Variants in MYH10 observed in about 807,000 individuals in gnomAD.
The protein encoded by MYH10 is myosin-10.
MYH10 carries 55 observed loss-of-function variants against 257.8 expected under a neutral mutation model. The ratio of observed to expected loss-of-function variants is 0.21; its 90% CI spans 0.17 to 0.27. The LOEUF (loss-of-function observed/expected upper bound fraction) is 0.27, where lower values mean the gene tolerates loss of function less well. MYH10 is among the 10% of genes least tolerant of loss of function. MYH10 has a pLI of 1.00. For synonymous variants in MYH10, 854 were observed against 921.7 expected (o/e 0.93, Z 1.33); for missense variants, 1,631 against 2,500.6 (o/e 0.65, Z 7.42).
Position 8,511,393 on chromosome 17 carries a change from G to A in MYH10, c.2952+1058C>T, listed in dbSNP as rs148729298. Among the ~76,000 whole-genome samples, 933 of 152,088 alleles carry A rather than the reference G, an allele frequency of 6.1e-3. 16 individuals are homozygous for A. The highest frequency in any genetic ancestry group is 0.02 in the African/African-American group (832 of 41,490). On this transcript the variant is annotated intron_variant, in intron 24 of 42. Coordinates refer to ENST00000360416, the MANE Select transcript of MYH10 (RefSeq NM_001256012.3). ...AAATTAGCTGGGCGTGGTAGCAGGC[G>A]CCTGTAATCCCAGCTACTGGGGAGG...
In MYH10 at chr17:8,500,806, C is replaced by T. The variant is rs1284091212; in HGVS notation, c.3744+20G>A. The T allele has an allele frequency of 2.5e-6, 4 of 1,608,444 alleles. No individual in the cohort carries two copies. The highest frequency in any genetic ancestry group is 1.1e-5 in the South Asian group (1 of 90,394). ...GACAGACTTTCTCCAGGCCACAGCA[C>T]ACGGCAGGGCCTCCCTTACCCGCTT... On this transcript the variant is annotated intron_variant, in intron 29 of 42. Coordinates refer to ENST00000360416, the MANE Select transcript of MYH10 (RefSeq NM_001256012.3).
In MYH10 at chr17:8,492,968, T is replaced by C. The variant is rs1385288208; in HGVS notation, c.4266A>G (p.Glu1422=). 6.2e-7 allele frequency: 1 copy of C among 1,614,172 alleles called. No individual in the cohort carries two copies. The highest frequency in any genetic ancestry group is 1.7e-5 in the Admixed American group (1 of 60,024). The part of the protein sequence containing the change: ...DDDLGTIESL[E]EAKKKLLKDA... ...CCTTCAGAAGCTTCTTCTTGGCTTCTTCCAGACTTTCAATTGTTCCCAGGT... is the reference window on the plus strand; with the variant it reads ...CCTTCAGAAGCTTCTTCTTGGCTTCCTCCAGACTTTCAATTGTTCCCAGGT... Residue 1422 remains glutamate (E), a synonymous_variant, in exon 33 of 43, where the codon GAA becomes GAG. Coordinates refer to ENST00000360416, the MANE Select transcript of MYH10 (RefSeq NM_001256012.3).
At chr17:8,502,703 C>T (rs1292981835) in intron 28 of MYH10, among the ~76,000 whole-genome samples, 1 of 152,138 alleles carries the variant, frequency 6.6e-6, no homozygotes, top group Non-Finnish European at 1.5e-5. Flanking sequence ...TTTGTGTTCT[C>T]TAAGGGTCCT....
At chr17:8,486,011 C>T (rs1014957391) in intron 36 of MYH10, among the ~76,000 whole-genome samples, 1 of 152,202 alleles carries the variant, frequency 6.6e-6, no homozygotes, top group Non-Finnish European at 1.5e-5. Flanking sequence ...GAGTGCGGTA[C>T]TTGTTCATGT....
At chr17:8,546,963 C>T (rs2082464727) in intron 11 of MYH10, among the ~76,000 whole-genome samples, 1 of 152,116 alleles carries the variant, frequency 6.6e-6, no homozygotes. Flanking sequence ...AGTGGCTATT[C>T]ACAGGCATGA....
At chr17:8,543,751 C>T (rs976217343) in intron 13 of MYH10, among the ~76,000 whole-genome samples, 1 of 152,136 alleles carries the variant, frequency 6.6e-6, no homozygotes, top group African/African-American at 2.4e-5. Flanking sequence ...GGATTACAGG[C>T]GTGAGCCACC....
chr17:8,610,584 A>C (rs1376301217), intron 2 of MYH10, among the ~76,000 whole-genome samples: 1 of 152,204 alleles, frequency 6.6e-6, no homozygotes, highest in African/African-American at 2.4e-5. Flanking sequence ...GGTGAGGCCT[A>C]TTGAGAGGTG....
At chr17:8,502,191 C>G (rs2080916171) in intron 28 of MYH10, among the ~76,000 whole-genome samples, 1 of 152,206 alleles carries the variant, frequency 6.6e-6, no homozygotes, top group African/African-American at 2.4e-5. Flanking sequence ...CTCTTTTCCT[C>G]TCTTCTCATG....
At chr17:8,583,795 G>A (rs563362094) in intron 4 of MYH10, among the ~76,000 whole-genome samples, 3 of 151,992 alleles carry the variant, frequency 2.0e-5, no homozygotes, top group South Asian at 2.1e-4. Flanking sequence ...CAAAAACATC[G>A]ACTGTCACAT....
intron 14 of MYH10, among the ~76,000 whole-genome samples, chr17:8,540,081 C>T (rs2082251587): frequency 6.6e-6 from 1 of 152,054 alleles, no homozygotes; most frequent in African/African-American, 2.4e-5. Flanking sequence ...CCTCTGCCTC[C>T]TGGGTTTAAG....
intron 21 of MYH10, among the ~76,000 whole-genome samples, chr17:8,516,629 G>A (rs1398757474): frequency 1.3e-5 from 2 of 152,226 alleles, no homozygotes; most frequent in Non-Finnish European, 2.9e-5. Flanking sequence ...GCTGCACAAA[G>A]TATATCTATA....
At chr17:8,599,065 C>T (rs1443343719) in intron 3 of MYH10, among the ~76,000 whole-genome samples, 1 of 152,192 alleles carries the variant, frequency 6.6e-6, no homozygotes, top group Non-Finnish European at 1.5e-5. Context: ...CCAAAAGCCA[C>T]ATAGATGAGT....
intron 7 of MYH10, among the ~76,000 whole-genome samples, chr17:8,566,475 A>G (rs1333317825): frequency 1.3e-5 from 2 of 152,122 alleles, no homozygotes; most frequent in Non-Finnish European, 2.9e-5. Context: ...AAGGAGCCCT[A>G]TGGAGAGGCT....
At chr17:8,478,521 C>G in intron 40 of MYH10, 75 bp from the exon 41 acceptor site, 1 of 1,419,270 alleles carries the variant, frequency 7.0e-7, no homozygotes, top group Non-Finnish European at 9.9e-7. Flanking sequence ...TTTTAAAGCC[C>G]CTTTTCTTTG....
intron 4 of MYH10, among the ~76,000 whole-genome samples, chr17:8,584,884 C>T (rs1403653393): frequency 6.6e-6 from 1 of 151,998 alleles, no homozygotes; most frequent in East Asian, 1.9e-4. Context: ...GCTCTTATTG[C>T]CCAGGCTGGA....
Position 8,504,658 on chromosome 17 carries a change from C to T in MYH10, c.3599+36G>A, listed in dbSNP as rs1229239640. ...TGCACGGGCTCGGTGGAGAGGTCGG[C>T]AGGCGCCCGGGCCCTGCTTCCTCTC... On this transcript the variant is annotated intron_variant, in intron 28 of 42. Transcript: ENST00000360416. This position sits in a 1 kb window ranked among gnomAD's most constrained non-coding sequence, Gnocchi z 5.6. 1 of 1,588,216 alleles carries T rather than the reference C, an allele frequency of 6.3e-7. No homozygotes were observed. The highest frequency in any genetic ancestry group is 8.6e-7 in the Non-Finnish European group (1 of 1,160,710).
intron 4 of MYH10, among the ~76,000 whole-genome samples, chr17:8,581,429 G>A (rs1248434961): frequency 6.6e-6 from 1 of 152,014 alleles, no homozygotes; most frequent in African/African-American, 2.4e-5. Context: ...GTTTGTCTCT[G>A]TGGTTTCCCA....
At chr17:8,544,834 C>T (rs928772054) in intron 13 of MYH10, among the ~76,000 whole-genome samples, 1 of 152,134 alleles carries the variant, frequency 6.6e-6, no homozygotes, top group African/African-American at 2.4e-5. Flanking sequence ...TAAATCTAGT[C>T]AGATCAACAG....
chr17:8,517,119 C>T lies in MYH10; in HGVS notation c.2504+1512G>A, dbSNP rs534813442. 2.1e-3 allele frequency among the ~76,000 whole-genome samples: 312 copies of T among 152,156 alleles called. 1 individual carries two copies. The highest frequency in any genetic ancestry group is 4.0e-3 in the Non-Finnish European group (275 of 67,996). On this transcript the variant is annotated intron_variant, in intron 21 of 42. Transcript: ENST00000360416. ...TCGCGCCACTGCACTCCAGCCTCAG[C>T]GACAGAGCGAGACTCTGTCTCAAAA... is the stretch of plus-strand genomic sequence containing the variant.
Sources: allele counts gnomAD v4.1 joint callset (sites outside exome capture counted in the v4.1 genomes callset), GRCh38; gene constraint gnomAD v4.1.1; non-coding constraint Gnocchi (gnomAD v3.1); transcripts MANE v1.5; gene names NCBI Gene and HGNC (gene_info 2026-07-23, HGNC 2026-07-21).